Variants in SUGCT observed in about 807,000 individuals in gnomAD.
SUGCT encodes the protein succinyl-CoA:glutarate-CoA transferase, also known as succinyl-CoA:glutarate CoA-transferase.
In SUGCT, 41 loss-of-function variants were observed where a neutral mutation model predicts 55.0. The observed-to-expected ratio is 0.74, with a 90% CI of 0.58 to 0.97. SUGCT has a LOEUF of 0.97. SUGCT is among the 50% of genes least tolerant of loss of function. The probability of loss-of-function intolerance (pLI) is 0.00; values close to 1 mark genes in which losing one functional copy is unlikely to be tolerated. For missense variants in SUGCT, 568 were observed against 547.8 expected (o/e 1.04, Z -0.37); for synonymous variants, 187 against 200.4 (o/e 0.93, Z 0.56).
At chr7:40,283,268 AC>A (rs1435110119) in intron 8 of SUGCT, among the ~76,000 whole-genome samples, 5 of 150,620 alleles carry the variant, frequency 3.3e-5, no homozygotes, top group African/African-American at 1.2e-4. Flanking sequence ...TTGCTCTGTC[AC>A]CCAGGCTGGT....
intron 11 of SUGCT, among the ~76,000 whole-genome samples, chr7:40,483,763 A>G (rs539403799): frequency 5.9e-5 from 9 of 152,162 alleles, no homozygotes; most frequent in Admixed American, 5.9e-4. Flanking sequence ...CCATGAAAAG[A>G]TGCTTAATTT....
chr7:40,377,254 C>CTTATCTTTCTTT lies in SUGCT; in HGVS notation c.816+60401_816+60402insATCTTTCTTTTT, dbSNP rs1554326946. On this transcript the variant is annotated intron_variant, in intron 9 of 13. Transcript: ENST00000335693. ...TCTTCCCTTCCTTCCTTCCTTCTTT[C>CTTATCTTTCTTT]TTTTTTGAGACCTAGTCTCACTCTA... is the stretch of plus-strand genomic sequence containing the variant. Among the ~76,000 whole-genome samples, 33 of 9,346 alleles carry CTTATCTTTCTTT rather than the reference C, an allele frequency of 3.5e-3. 12 individuals carry two copies. Among genetic ancestry groups the CTTATCTTTCTTT allele is most frequent in the South Asian group, 9.5e-3 (2 of 210 alleles). 6.1% of individuals were successfully genotyped at this position (9,346 alleles called of 152,430 possible). A position where few individuals can be genotyped will look rare whatever the true frequency, so the allele number is the denominator to read the frequency against.
the SUGCT span, among the ~76,000 whole-genome samples, chr7:40,929,699 C>G: frequency 1.3e-5 from 2 of 152,106 alleles, no homozygotes; most frequent in Non-Finnish European, 2.9e-5. Flanking sequence ...TCATGTGTCT[C>G]TTGGCTGCAT....
chr7:40,569,869 T>A (rs1345517560), intron 12 of SUGCT, among the ~76,000 whole-genome samples: 1 of 152,268 alleles, frequency 6.6e-6, no homozygotes, highest in Admixed American at 6.5e-5. Context: ...AATGATAAAG[T>A]TGATTTTTTT....
intron 13 of SUGCT, among the ~76,000 whole-genome samples, chr7:40,816,142 A>G (rs1033837381): frequency 2.6e-5 from 4 of 152,194 alleles, no homozygotes; most frequent in African/African-American, 7.2e-5. Context: ...TCTAGCACCT[A>G]CTGCTGAGGT....
intron 7 of SUGCT, among the ~76,000 whole-genome samples, chr7:40,272,141 C>CATATATATAT (rs58480323): frequency 2.1e-5 from 1 of 46,744 alleles, no homozygotes; most frequent in Non-Finnish European, 4.6e-5. Flanking sequence ...TGCAATGTGA[C>CATATATATAT]ATATATATAT....
chr7:40,367,775 A>C (rs1784077452), intron 9 of SUGCT, among the ~76,000 whole-genome samples: 1 of 151,704 alleles, frequency 6.6e-6, no homozygotes, highest in South Asian at 2.1e-4. Flanking sequence ...AATATTGCAG[A>C]CTCTCATTCT....
chr7:40,153,052 CA>C (rs1788664920), intron 1 of SUGCT: 1 of 187,064 alleles, frequency 5.3e-6, no homozygotes, highest in South Asian at 9.7e-5. Flanking sequence ...AAACAAAGCT[CA>C]AAAAGATAAT....
the SUGCT span, among the ~76,000 whole-genome samples, chr7:40,961,902 G>A: frequency 2.0e-5 from 3 of 152,196 alleles, no homozygotes; most frequent in Non-Finnish European, 2.9e-5. Flanking sequence ...CACAGTGAAT[G>A]TTACAGCTCA....
intron 8 of SUGCT, among the ~76,000 whole-genome samples, chr7:40,283,467 G>C (rs1467520724): frequency 6.6e-6 from 1 of 152,086 alleles, no homozygotes; most frequent in Admixed American, 6.6e-5. Flanking sequence ...GACCTCAGGT[G>C]ATCTACCCAC....
chr7:40,790,275 C>T (rs1790245306), intron 13 of SUGCT, among the ~76,000 whole-genome samples: 1 of 152,152 alleles, frequency 6.6e-6, no homozygotes, highest in Non-Finnish European at 1.5e-5. Context: ...GGCTTTCCCC[C>T]ATTTTGCTTG....
At chr7:40,274,372 TTTA>T in intron 7 of SUGCT, 138 bp from the exon 8 acceptor site, 1 of 800,548 alleles carries the variant, frequency 1.2e-6, no homozygotes, top group Non-Finnish European at 1.9e-6. Context: ...AGCAATTTAT[TTTA>T]TTAACTTTCT....
At chr7:40,719,419 T>A (rs914745303) in intron 12 of SUGCT, among the ~76,000 whole-genome samples, 2 of 152,210 alleles carry the variant, frequency 1.3e-5, no homozygotes, top group Non-Finnish European at 2.9e-5. Context: ...TCAGGGACTT[T>A]CAGTTGAGCT....
intron 12 of SUGCT, among the ~76,000 whole-genome samples, chr7:40,526,175 A>T (rs1793784750): frequency 6.6e-6 from 1 of 152,160 alleles, no homozygotes; most frequent in African/African-American, 2.4e-5. Flanking sequence ...GCATTCAGGA[A>T]ATTCACTCTT....
chr7:40,743,300 T>C (rs377438855), intron 12 of SUGCT, among the ~76,000 whole-genome samples: 114 of 152,260 alleles, frequency 7.5e-4, no homozygotes, highest in African/African-American at 2.6e-3. Context: ...TAGGCATTCA[T>C]TAAAAGCTTA....
the SUGCT span, among the ~76,000 whole-genome samples, chr7:40,887,317 G>A: frequency 6.6e-6 from 1 of 152,234 alleles, no homozygotes; most frequent in African/African-American, 2.4e-5. Flanking sequence ...ACTGTGTTGG[G>A]TAGGAAAAGG....
chr7:40,626,272 T>C (rs1163464071), intron 12 of SUGCT, among the ~76,000 whole-genome samples: 1 of 152,134 alleles, frequency 6.6e-6, no homozygotes, highest in Non-Finnish European at 1.5e-5. Flanking sequence ...TCTTTTTTTT[T>C]TGGAGATGGA....
intron 13 of SUGCT, among the ~76,000 whole-genome samples, chr7:40,817,035 A>G (rs1185807894): frequency 6.6e-6 from 1 of 152,178 alleles, no homozygotes; most frequent in Non-Finnish European, 1.5e-5. Context: ...GGAGATTACA[A>G]ACCAACACTT....
At chr7:40,528,933 T>A (rs1562839680) in intron 12 of SUGCT, among the ~76,000 whole-genome samples, 1 of 152,212 alleles carries the variant, frequency 6.6e-6, no homozygotes, top group South Asian at 2.1e-4. Flanking sequence ...AAAGCCATGC[T>A]TTTTTGAGGT....
Sources: allele counts gnomAD v4.1 joint callset (sites outside exome capture counted in the v4.1 genomes callset), GRCh38; gene constraint gnomAD v4.1.1; transcripts MANE v1.5; gene names NCBI Gene and HGNC (gene_info 2026-07-23, HGNC 2026-07-21).